NOSTRIN: variants seen among roughly 807,000 people sequenced by gnomAD.
The protein encoded by NOSTRIN is BM247 homolog.
A neutral mutation model predicts 59.0 loss-of-function variants in NOSTRIN; 63 were observed. The observed-to-expected ratio is 1.07, with a 90% CI of 0.87 to 1.32. NOSTRIN has a LOEUF of 1.32. Ranked by LOEUF, NOSTRIN falls within the 40% of genes most tolerant of loss-of-function variation. NOSTRIN has a pLI of 0.00. For missense variants in NOSTRIN, 512 were observed against 473.1 expected, an observed-to-expected ratio of 1.08 and a Z score of -0.76; for synonymous variants, 200 against 165.4, an observed-to-expected ratio of 1.21 and a Z score of -1.61.
Position 168,863,284 on chromosome 2 carries a change from G to C in NOSTRIN, c.1384+1235G>C, listed in dbSNP as rs911841629. ...CAATTTACTGACGAGGGAGAACTTA[G>C]AGACCGAGAATAATGTCCTTTAAGA... On this transcript the variant is annotated intron_variant, in intron 15 of 15. Transcript: ENST00000317647. 7 of 441,126 alleles carry C rather than the reference G, an allele frequency of 1.6e-5. No homozygotes were observed. In the East Asian group the frequency reaches 1.1e-3, roughly 70 times the overall value. The allele number at this position is 441,126 out of a possible 1,614,324, so 27.3% of individuals were successfully genotyped here.
chr2:168,845,188 G>T (rs1188939767), intron 8 of NOSTRIN, among the ~76,000 whole-genome samples: 2 of 152,180 alleles, frequency 1.3e-5, no homozygotes, highest in African/African-American at 2.4e-5. Context: ...AAAGGTCAGG[G>T]ATTTAAATTC....
At chr2:168,834,428 G>T in intron 7 of NOSTRIN, 103 bp downstream of exon 7, 1 of 682,664 alleles carries the variant, frequency 1.5e-6, no homozygotes. Flanking sequence ...CCTTCTCTGT[G>T]GGATTCCTGC....
intron 2 of NOSTRIN, among the ~76,000 whole-genome samples, chr2:168,813,118 A>C (rs538378419): frequency 6.6e-6 from 1 of 152,342 alleles, no homozygotes; most frequent in Non-Finnish European, 1.5e-5. Flanking sequence ...TTCTGTAAGA[A>C]AATATTGTTA....
rs138802742 is a variant in NOSTRIN at position 168,845,998 on chromosome 2, TGA to T, written c.630+2885_630+2886del. Reference sequence around the variant, plus strand: ...TTCCTCTGAGTTCTCTCCTGCCTCCTGAGAGCCATCTCAAGCCCATTAGCCAC... The same window carrying T: ...TTCCTCTGAGTTCTCTCCTGCCTCCTGAGCCATCTCAAGCCCATTAGCCAC... On this transcript the variant is annotated intron_variant, in intron 8 of 15. Coordinates refer to ENST00000317647, the MANE Select transcript of NOSTRIN (RefSeq NM_001039724.4). 3.7e-3 allele frequency among the ~76,000 whole-genome samples: 560 copies of T among 152,276 alleles called. 2 individuals are homozygous for T. Among genetic ancestry groups the T allele is most frequent in the African/African-American group, 0.013 (545 of 41,554 alleles).
chr2:168,821,061 C>T (rs923915908), intron 2 of NOSTRIN, among the ~76,000 whole-genome samples: 10 of 152,190 alleles, frequency 6.6e-5, no homozygotes, highest in African/African-American at 2.2e-4. Context: ...TCTGGATACA[C>T]AATAATCATA....
chr2:168,809,928 C>T (rs1193629338), intron 1 of NOSTRIN, among the ~76,000 whole-genome samples: 3 of 152,004 alleles, frequency 2.0e-5, no homozygotes, highest in Non-Finnish European at 2.9e-5. Flanking sequence ...GTTTTGTTTA[C>T]ACTGCAGAGA....
upstream of NOSTRIN, among the ~76,000 whole-genome samples, chr2:168,800,359 A>AT (rs1203220826): frequency 1.3e-5 from 2 of 152,204 alleles, no homozygotes; most frequent in Non-Finnish European, 2.9e-5. Flanking sequence ...AACGATACCA[A>AT]CCTATTTCTG....
At position 168,865,157 on chromosome 2, in the gene NOSTRIN, G is replaced by T. The variant is rs1373296762; in HGVS notation, c.*187G>T. The T allele has an allele frequency of 1.6e-6, 1 of 645,074 alleles. No individual in the cohort carries two copies. Among genetic ancestry groups the T allele is most frequent in the Non-Finnish European group, 2.6e-6 (1 of 389,780 alleles). The allele number at this position is 645,074 out of a possible 1,614,324, so 40.0% of individuals were successfully genotyped here. Reference sequence around the variant, plus strand: ...CAGTCAGAAAAAAGATGGATGGGTGGAGACAGACAAGGAAGAGGCTCCTTG... The same window carrying T: ...CAGTCAGAAAAAAGATGGATGGGTGTAGACAGACAAGGAAGAGGCTCCTTG... On this transcript the variant is annotated 3_prime_UTR_variant, in exon 16 of 16. Transcript: ENST00000317647.
At chr2:168,863,419 A>T in intron 15 of NOSTRIN, 1 of 985,068 alleles carries the variant, frequency 1.0e-6, no homozygotes, top group Non-Finnish European at 1.2e-6. Flanking sequence ...AGACTGAAAA[A>T]TCACCTCAGA....
intron 2 of NOSTRIN, among the ~76,000 whole-genome samples, chr2:168,789,735 A>T (rs147466190): frequency 8.3e-4 from 126 of 152,340 alleles, no homozygotes; most frequent in African/African-American, 3.0e-3. Flanking sequence ...TATATTAGGA[A>T]AAGTAGAAGT....
rs749395436 is a variant in NOSTRIN, at chr2:168,861,930, G to A, written c.1295-30G>A. The A allele has an allele frequency of 6.2e-6, 10 of 1,600,054 alleles. No homozygotes were observed. The Admixed American group carries it at 1.2e-4, about 19-fold the overall frequency. On this transcript the variant is annotated intron_variant, in intron 14 of 15. Coordinates refer to ENST00000317647, the MANE Select transcript of NOSTRIN (RefSeq NM_001039724.4). Reference sequence around the variant, plus strand: ...TCATATTCATTTGCCTGCTAACACAGCATACTAATTACAGCTTTATCTATT... The same window carrying A: ...TCATATTCATTTGCCTGCTAACACAACATACTAATTACAGCTTTATCTATT...
At chr2:168,817,433 C>T (rs755414046) in intron 2 of NOSTRIN, among the ~76,000 whole-genome samples, 12 of 152,194 alleles carry the variant, frequency 7.9e-5, no homozygotes, top group Non-Finnish European at 1.2e-4. Context: ...CAGGGCTCTG[C>T]TTCCTCCTCA....
chr2:168,795,890 G>A (rs780385514), upstream of NOSTRIN, among the ~76,000 whole-genome samples: 9 of 152,206 alleles, frequency 5.9e-5, no homozygotes, highest in Non-Finnish European at 1.0e-4. Flanking sequence ...GTACTCATAA[G>A]TGCTTCTAAG....
intron 15 of NOSTRIN, among the ~76,000 whole-genome samples, chr2:168,862,967 C>A (rs1015078195): frequency 1.3e-5 from 2 of 152,108 alleles, no homozygotes; most frequent in Non-Finnish European, 1.5e-5. Flanking sequence ...TGGGTGTTTC[C>A]TTTGCAGCAT....
intron 12 of NOSTRIN, among the ~76,000 whole-genome samples, chr2:168,858,495 G>C (rs1689249392): frequency 6.6e-6 from 1 of 152,184 alleles, no homozygotes; most frequent in Admixed American, 6.5e-5. Context: ...CACAAGCAGT[G>C]TCATAAGAAA....
At chr2:168,818,970 A>G (rs1294778377) in intron 2 of NOSTRIN, among the ~76,000 whole-genome samples, 3 of 152,178 alleles carry the variant, frequency 2.0e-5, no homozygotes, top group Non-Finnish European at 4.4e-5. Flanking sequence ...TGCATCACCA[A>G]TTTCACACAG....
chr2:168,788,892 AAGATAGATAGATAGATAGATAGAT>A (rs4000833), intron 2 of NOSTRIN, among the ~76,000 whole-genome samples: 1 of 148,284 alleles, frequency 6.7e-6, no homozygotes, highest in African/African-American at 2.5e-5. Context: ...CACAGATAAA[AAGATAGATAGATAGATAGATAGAT>A]AGATAGATAG....
chr2:168,860,664 C>T (rs1689378906), intron 13 of NOSTRIN, 131 bp from the exon 14 acceptor site: 1 of 591,136 alleles, frequency 1.7e-6, no homozygotes, highest in South Asian at 2.2e-5. Context: ...GGGCAAGACT[C>T]TGTCTAAAAA....
chr2:168,843,300 G>A (rs1688207510), intron 8 of NOSTRIN, among the ~76,000 whole-genome samples, 183 bp downstream of exon 8: 1 of 152,170 alleles, frequency 6.6e-6, no homozygotes, highest in African/African-American at 2.4e-5. Flanking sequence ...ACAATTACCA[G>A]TGACAATTTA....
Sources: gnomAD v4.1 joint callset for allele counts (sites outside exome capture counted in the v4.1 genomes callset) on GRCh38, gnomAD v4.1.1 for gene constraint, MANE v1.5 for transcripts, NCBI Gene and HGNC (gene_info 2026-07-23, HGNC 2026-07-21) for gene names.